The following DHRSX variants were observed in gnomAD, a reference collection of about 807,000 sequenced individuals.
The protein encoded by DHRSX is polyprenol dehydrogenase.
A neutral mutation model predicts 34.0 loss-of-function variants in DHRSX; 31 were observed. That is an observed-to-expected ratio of 0.91 (90% confidence interval 0.69 to 1.23). DHRSX has a LOEUF of 1.23. DHRSX is among the 50% of genes most tolerant of loss of function. DHRSX has a pLI of 0.00. For missense variants in DHRSX, 414 were observed against 428.1 expected, an observed-to-expected ratio of 0.97 and a Z score of 0.29; for synonymous variants, 201 against 183.8, an observed-to-expected ratio of 1.09 and a Z score of -0.76.
intron 5 of DHRSX, among the ~76,000 whole-genome samples, chrX:2,245,039 G>A (rs1042131728): frequency 2.0e-5 from 3 of 151,990 alleles, no homozygotes; most frequent in African/African-American, 7.2e-5. Flanking sequence ...CATGGTATAT[G>A]TATCCTGATG....
intron 1 of DHRSX, among the ~76,000 whole-genome samples, chrX:2,438,723 G>A (rs975553654): frequency 6.6e-6 from 1 of 151,492 alleles, no homozygotes; most frequent in Non-Finnish European, 1.5e-5. Context: ...ATCTAGGAGA[G>A]TACTGGACTG....
In DHRSX at chrX:2,433,525, G is replaced by C. The variant is rs778575127; in HGVS notation, c.110-8221C>G. Among the ~76,000 whole-genome samples, 259 of 152,132 alleles carry C rather than the reference G, an allele frequency of 1.7e-3. 2 individuals carry two copies. The highest frequency in any genetic ancestry group is 5.3e-3 in the African/African-American group (221 of 41,510). The stretch of plus-strand genomic sequence containing the variant: ...TAGCTTTTAAGCCCTGCATGCATTA[G>C]GTATTTGTCCTAATGCGCTCCCTCT... On this transcript the variant is annotated intron_variant, in intron 1 of 6. Transcript: ENST00000334651.
intron 3 of DHRSX, among the ~76,000 whole-genome samples, chrX:2,362,784 TATC>T (rs1377083174): frequency 4.9e-4 from 73 of 149,978 alleles, no homozygotes; most frequent in Admixed American, 8.6e-4. Context: ...CGTTCTATGG[TATC>T]ATGCCGCCAT....
rs147170342 is a variant in DHRSX, at chrX:2,378,033, C to T, written c.286+30712G>A. Among the ~76,000 whole-genome samples, 436 of 152,200 alleles carry T rather than the reference C, an allele frequency of 2.9e-3. 2 individuals carry two copies. The highest frequency in any genetic ancestry group is 1.0e-2 in the African/African-American group (415 of 41,534). ...GATAACAGGCATGAGCCACTGCGCC[C>T]GGCCGTGTGCACACAATACTTCAAC... On this transcript the variant is annotated intron_variant, in intron 3 of 6. Coordinates refer to ENST00000334651, the MANE Select transcript of DHRSX (RefSeq NM_145177.3).
At chrX:2,378,651 CATACT>C (rs2043169106) in intron 3 of DHRSX, among the ~76,000 whole-genome samples, 1 of 151,774 alleles carries the variant, frequency 6.6e-6, no homozygotes, top group Non-Finnish European at 1.5e-5. Context: ...GTATATAATA[CATACT>C]ATATTTTTTT....
At chrX:2,372,573 G>C (rs1482204911) in intron 3 of DHRSX, among the ~76,000 whole-genome samples, 2 of 151,412 alleles carry the variant, frequency 1.3e-5, no homozygotes, top group East Asian at 1.9e-4. Context: ...TTTTAGGTTT[G>C]AAAGGGAGAG....
Position 2,490,153 on chromosome X carries a change from G to A in DHRSX, c.109+10664C>T, listed in dbSNP as rs145336488. ...TGGAGATGCCACACCAGGTGGCCTC[G>A]GCCAGCTCCTTCAGGATCACCTCCC... is the stretch of plus-strand genomic sequence containing the variant. On this transcript the variant is annotated intron_variant, in intron 1 of 6. Coordinates refer to ENST00000334651, the MANE Select transcript of DHRSX (RefSeq NM_145177.3). The A allele has an allele frequency of 4.6e-4, 740 of 1,613,924 alleles. 1 individual carries two copies. Among genetic ancestry groups the A allele is most frequent in the South Asian group, 4.4e-3 (401 of 91,076 alleles).
chrX:2,309,561 TA>T (rs1227999079), intron 3 of DHRSX, among the ~76,000 whole-genome samples: 2 of 152,298 alleles, frequency 1.3e-5, no homozygotes, highest in East Asian at 3.9e-4. Flanking sequence ...AGTGTGTCCA[TA>T]ACCACTACCT....
At position 2,492,058 on chromosome X, in the gene DHRSX, G is replaced by C. The variant is rs182129560; in HGVS notation, c.109+8759C>G. Among the ~76,000 whole-genome samples the C allele has an allele frequency of 2.8e-4, 42 of 152,332 alleles. No homozygotes were observed. The East Asian group carries it at 6.0e-3, about 22-fold the overall frequency. On this transcript the variant is annotated intron_variant, in intron 1 of 6. Transcript: ENST00000334651. ...AAAATGCACCACCCAGGCACGTTCA[G>C]AGTGTTGGGATACAGTCAGTGCAAG... is the stretch of plus-strand genomic sequence containing the variant.
At chrX:2,410,097 C>T (rs943524865) in intron 2 of DHRSX, among the ~76,000 whole-genome samples, 1 of 152,062 alleles carries the variant, frequency 6.6e-6, no homozygotes, top group African/African-American at 2.4e-5. Context: ...ATGTTGTCTT[C>T]GTCATTTTTT....
chrX:2,246,803 C>T (rs1017042793), intron 5 of DHRSX, among the ~76,000 whole-genome samples: 1 of 151,328 alleles, frequency 6.6e-6, no homozygotes, highest in African/African-American at 2.4e-5. Context: ...TAAACTTTGA[C>T]CTAAGGATCT....
At chrX:2,329,026 A>C in intron 3 of DHRSX, among the ~76,000 whole-genome samples, 1 of 152,320 alleles carries the variant, frequency 6.6e-6, no homozygotes, top group East Asian at 1.9e-4. Context: ...CTTCTCTTCA[A>C]TTGCCCTTTA....
chrX:2,238,015 G>A (rs769202236), intron 6 of DHRSX, among the ~76,000 whole-genome samples: 1 of 152,104 alleles, frequency 6.6e-6, no homozygotes, highest in Admixed American at 6.6e-5. Context: ...GAGACCATCT[G>A]CATGTCTCAG....
At chrX:2,260,064 C>G (rs1193354209) in intron 5 of DHRSX, among the ~76,000 whole-genome samples, 9 of 151,836 alleles carry the variant, frequency 5.9e-5, no homozygotes, top group Non-Finnish European at 1.2e-4. Context: ...CCTCTCCCAG[C>G]TCCTGGGGGC....
chrX:2,487,518 C>A (rs1389391799), intron 1 of DHRSX: 3 of 152,244 alleles, frequency 2.0e-5, no homozygotes, highest in Non-Finnish European at 4.4e-5. Context: ...GCGGGTGCCA[C>A]CGCATCTGGC....
intron 3 of DHRSX, among the ~76,000 whole-genome samples, chrX:2,325,279 T>G (rs1298645917): frequency 6.6e-6 from 1 of 151,538 alleles, no homozygotes; most frequent in African/African-American, 2.4e-5. Flanking sequence ...CGGCTCCATC[T>G]TCCGGGCAGG....
chrX:2,376,949 A>G (rs7050809), intron 3 of DHRSX, among the ~76,000 whole-genome samples: 50,160 of 151,320 alleles, frequency 0.33, 8,481 homozygotes, highest in Non-Finnish European at 0.36. Context: ...AGCCGAGATC[A>G]CACCACTGCA....
intron 3 of DHRSX, among the ~76,000 whole-genome samples, chrX:2,312,812 G>C (rs1228667325): frequency 6.6e-6 from 1 of 152,088 alleles, no homozygotes; most frequent in Non-Finnish European, 1.5e-5. Context: ...TCTGATCCCT[G>C]TTCCTTGTTT....
intron 3 of DHRSX, among the ~76,000 whole-genome samples, chrX:2,306,831 C>T (rs145553371): frequency 0.018 from 2,757 of 151,828 alleles, 78 homozygotes; most frequent in African/African-American, 0.058. Context: ...GGAATCCCTC[C>T]GCCTCAATTT....
Sources: gnomAD v4.1 joint callset for allele counts (sites outside exome capture counted in the v4.1 genomes callset) on GRCh38, gnomAD v4.1.1 for gene constraint, MANE v1.5 for transcripts, NCBI Gene and HGNC (gene_info 2026-07-23, HGNC 2026-07-21) for gene names.